ZFPM2: variants seen among roughly 807,000 people sequenced by gnomAD.
The protein encoded by ZFPM2 is zinc finger protein ZFPM2.
In ZFPM2, 20 loss-of-function variants were observed where a neutral mutation model predicts 98.6. That is an observed-to-expected ratio of 0.20 (90% CI 0.14 to 0.29). The LOEUF is 0.29. ZFPM2 is among the 10% of genes least tolerant of loss of function. The pLI, the probability that ZFPM2 is intolerant of heterozygous loss-of-function variation, is 1.00. For synonymous variants in ZFPM2, 518 were observed against 502.7 expected, an observed-to-expected ratio of 1.03 and a Z score of -0.41; for missense variants, 1,310 against 1,388.6, an observed-to-expected ratio of 0.94 and a Z score of 0.90.
chr8:105,783,012 A>T (rs1287254017), intron 5 of ZFPM2, among the ~76,000 whole-genome samples: 2 of 137,728 alleles, frequency 1.5e-5, no homozygotes, highest in African/African-American at 2.8e-5. Context: ...ACCAGGAACT[A>T]AATTGTTCAA....
intron 5 of ZFPM2, among the ~76,000 whole-genome samples, chr8:105,696,927 C>T (rs182024519): frequency 1.8e-4 from 27 of 152,096 alleles, no homozygotes; most frequent in Admixed American, 1.5e-3. Context: ...ATTGGGGTAT[C>T]GGTGACCCCT....
intron 1 of ZFPM2, among the ~76,000 whole-genome samples, chr8:105,380,063 C>G (rs530607012): frequency 2.0e-3 from 311 of 152,228 alleles, no homozygotes; most frequent in Non-Finnish European, 3.3e-3. Context: ...TAGGCTCACT[C>G]TCATCTTTCA....
intron 5 of ZFPM2, among the ~76,000 whole-genome samples, chr8:105,679,356 A>G (rs1563518123): frequency 6.6e-6 from 1 of 152,154 alleles, no homozygotes; most frequent in Non-Finnish European, 1.5e-5. Context: ...TTTCTCATCT[A>G]ACCTGATTTG....
intron 1 of ZFPM2, chr8:105,319,637 G>C (rs1197741084): frequency 6.6e-6 from 1 of 152,594 alleles, no homozygotes; most frequent in South Asian, 2.1e-4. Flanking sequence ...ACTTCGGGCG[G>C]GTCCGGCTCA....
At chr8:105,366,985 C>G (rs1264148732) in intron 1 of ZFPM2, among the ~76,000 whole-genome samples, 1 of 141,042 alleles carries the variant, frequency 7.1e-6, no homozygotes, top group Non-Finnish European at 1.5e-5. Flanking sequence ...ATAGGGAATC[C>G]TTTCCCCATT....
At chr8:105,503,130 A>G (rs1283645719) in intron 3 of ZFPM2, among the ~76,000 whole-genome samples, 1 of 152,196 alleles carries the variant, frequency 6.6e-6, no homozygotes, top group African/African-American at 2.4e-5. Context: ...CAGTTTTACT[A>G]ATTATTATTC....
At position 105,769,452 on chromosome 8, in the gene ZFPM2, C is replaced by T. The variant is rs574843020; in HGVS notation, c.533-19266C>T. Among the ~76,000 whole-genome samples the T allele has an allele frequency of 3.3e-5, 5 of 152,150 alleles. No individual in the cohort carries two copies. In the South Asian group the frequency reaches 1.0e-3, roughly 32 times the overall value. On this transcript the variant is annotated intron_variant, in intron 5 of 7. Coordinates refer to ENST00000407775, the MANE Select transcript of ZFPM2 (RefSeq NM_012082.4). The stretch of plus-strand genomic sequence containing the variant: ...TACTTCAAAGATTCTGATAAATGTT[C>T]TTCTCTAGCATAAGAATCGTGTCTT...
intron 3 of ZFPM2, among the ~76,000 whole-genome samples, chr8:105,450,452 C>G (rs1482659514): frequency 6.6e-6 from 1 of 152,070 alleles, no homozygotes; most frequent in Non-Finnish European, 1.5e-5. Flanking sequence ...TAGATATAGT[C>G]TGACAGTAAG....
chr8:105,435,435 T>G (rs1563657068), intron 2 of ZFPM2, among the ~76,000 whole-genome samples: 1 of 152,142 alleles, frequency 6.6e-6, no homozygotes, highest in African/African-American at 2.4e-5. Context: ...AGTATATGAA[T>G]AAAAAATTTA....
intron 3 of ZFPM2, among the ~76,000 whole-genome samples, chr8:105,553,423 C>T (rs1814909206): frequency 6.6e-6 from 1 of 152,162 alleles, no homozygotes; most frequent in African/African-American, 2.4e-5. Flanking sequence ...CCAAAGAGAG[C>T]ATTTTGCATT....
intron 4 of ZFPM2, among the ~76,000 whole-genome samples, chr8:105,563,675 G>A (rs1455155414): frequency 3.9e-5 from 6 of 152,018 alleles, no homozygotes; most frequent in African/African-American, 1.4e-4. Flanking sequence ...GGCAAGAGAA[G>A]GATTGTCTAA....
intron 3 of ZFPM2, among the ~76,000 whole-genome samples, chr8:105,483,023 C>T (rs1250274729): frequency 7.3e-6 from 1 of 136,256 alleles, no homozygotes; most frequent in African/African-American, 2.7e-5. Context: ...TCCTTCCTTC[C>T]TTCCTTCCTT....
intron 5 of ZFPM2, among the ~76,000 whole-genome samples, chr8:105,772,448 C>G (rs1010643001): frequency 6.6e-6 from 1 of 152,080 alleles, no homozygotes; most frequent in African/African-American, 2.4e-5. Context: ...TTTTAAAATT[C>G]AGAGCAAAGA....
At chr8:105,744,394 A>T (rs1812295434) in intron 5 of ZFPM2, among the ~76,000 whole-genome samples, 1 of 152,146 alleles carries the variant, frequency 6.6e-6, no homozygotes, top group Admixed American at 6.5e-5. Flanking sequence ...TCTCTTGCTT[A>T]TCACATATGC....
At chr8:105,527,354 A>G (rs1814196478) in intron 3 of ZFPM2, among the ~76,000 whole-genome samples, 2 of 152,236 alleles carry the variant, frequency 1.3e-5, no homozygotes, top group Admixed American at 1.3e-4. Flanking sequence ...GTCTAGCACA[A>G]AAGTATAAAT....
chr8:105,460,078 T>C (rs1304233131), intron 3 of ZFPM2, among the ~76,000 whole-genome samples: 1 of 152,106 alleles, frequency 6.6e-6, no homozygotes, highest in African/African-American at 2.4e-5. Context: ...ATGACTAAGC[T>C]GAGATGTGAG....
intron 5 of ZFPM2, among the ~76,000 whole-genome samples, chr8:105,639,644 C>T (rs1215712735): frequency 1.3e-5 from 2 of 152,018 alleles, no homozygotes; most frequent in Non-Finnish European, 2.9e-5. Context: ...GTGAAGCACC[C>T]ATTTACATGA....
intron 5 of ZFPM2, among the ~76,000 whole-genome samples, chr8:105,664,836 GT>G (rs1200764304): frequency 2.0e-5 from 3 of 152,054 alleles, no homozygotes; most frequent in African/African-American, 4.8e-5. Flanking sequence ...AAGTACTGTG[GT>G]TTTATTATAG....
intron 1 of ZFPM2, among the ~76,000 whole-genome samples, chr8:105,381,968 T>G (rs148592448): frequency 6.6e-6 from 1 of 152,232 alleles, no homozygotes; most frequent in African/African-American, 2.4e-5. Flanking sequence ...TGCCATAAAT[T>G]CAAACATATC....
Sources: allele counts gnomAD v4.1 joint callset (sites outside exome capture counted in the v4.1 genomes callset), GRCh38; gene constraint gnomAD v4.1.1; transcripts MANE v1.5; gene names NCBI Gene and HGNC (gene_info 2026-07-23, HGNC 2026-07-21).